Variants in COL27A1 observed in about 807,000 individuals in gnomAD.
The protein encoded by COL27A1 is collagen type XXVII alpha 1 chain.
A neutral mutation model predicts 251.3 loss-of-function variants in COL27A1; 106 were observed. The observed-to-expected ratio is 0.42, with a 90% CI of 0.36 to 0.50. COL27A1 has a LOEUF of 0.50. Among genes scored for constraint, COL27A1 ranks in the 20% least tolerant of loss-of-function variants. The probability of loss-of-function intolerance (pLI) is 0.00; values close to 1 mark genes in which losing one functional copy is unlikely to be tolerated. For synonymous variants in COL27A1, 1,000 were observed against 986.3 expected, an observed-to-expected ratio of 1.01 and a Z score of -0.26; for missense variants, 2,325 against 2,522.8, an observed-to-expected ratio of 0.92 and a Z score of 1.68.
intron 9 of COL27A1, among the ~76,000 whole-genome samples, 196 bp downstream of exon 9, chr9:114,206,008 G>A (rs1829930184): frequency 6.6e-6 from 1 of 152,160 alleles, no homozygotes; most frequent in South Asian, 2.1e-4. Context: ...TGCATAGTAA[G>A]AGGAGGTCTG....
chr9:114,172,221 C>T (rs2808779), intron 3 of COL27A1, among the ~76,000 whole-genome samples: 38,533 of 152,102 alleles, frequency 0.25, 5,130 homozygotes, highest in Middle Eastern at 0.4. Flanking sequence ...CATCTTTGAA[C>T]GGTGATGAAA....
chr9:114,235,379 G>C (rs1453767372), intron 16 of COL27A1, among the ~76,000 whole-genome samples: 3 of 152,162 alleles, frequency 2.0e-5, no homozygotes, highest in Admixed American at 6.5e-5. Flanking sequence ...TCAGCCATCC[G>C]AGCAGCCCCA....
intron 56 of COL27A1, among the ~76,000 whole-genome samples, chr9:114,302,883 A>T (rs1167348351): frequency 6.6e-6 from 1 of 152,076 alleles, no homozygotes; most frequent in Non-Finnish European, 1.5e-5. Context: ...TGGCTACACG[A>T]CTATTACCAT....
At position 114,290,824 on chromosome 9, in the gene COL27A1, C is replaced by T. The variant is rs1199082188; in HGVS notation, c.4383C>T (p.Asp1461=). The T allele has an allele frequency of 4.5e-6, 7 of 1,549,242 alleles. No individual in the cohort carries two copies. The highest frequency in any genetic ancestry group is 2.4e-5 in the South Asian group (2 of 83,944). The stretch of plus-strand genomic sequence containing the variant: ...TTTCTTAACAGGGGGAGCAGGGAGA[C>T]GATGGGGACCCTGGCCCCATGGGCC... The part of the protein sequence containing the change: ...GQAGQQGEQG[D]DGDPGPMGPA... The change falls in exon 48 of 61, where the codon GAC becomes GAT. Residue 1461 remains aspartate, a synonymous_variant. Coordinates refer to ENST00000356083, the MANE Select transcript of COL27A1 (RefSeq NM_032888.4). The surrounding 1 kb of genome is among the most constrained non-coding windows in gnomAD (Gnocchi z 4.6).
In COL27A1 at chr9:114,178,300, G is replaced by C; in HGVS notation, c.1918G>C (p.Gly640Arg). Residue 640 changes from glycine to arginine, a missense_variant, in exon 4 of 61, where the codon GGG (glycine) becomes CGG (arginine). Coordinates refer to ENST00000356083, the MANE Select transcript of COL27A1 (RefSeq NM_032888.4). ...CTTGTTTTCTCCTCAGGGTCCCCCT[G>C]GGCTACCTGGGCTACCTGGAATCCC... The part of the protein sequence containing the change: ...KGDCGLPGPP[G>R]LPGLPGIPGA... 6.2e-7 allele frequency: 1 copy of C among 1,613,532 alleles called. No individual in the cohort carries two copies. Among genetic ancestry groups the C allele is most frequent in the South Asian group, 1.1e-5 (1 of 91,054 alleles).
intron 27 of COL27A1, among the ~76,000 whole-genome samples, chr9:114,257,826 A>G (rs1834034692): frequency 6.6e-6 from 1 of 152,236 alleles, no homozygotes; most frequent in African/African-American, 2.4e-5. Context: ...GGTGAGGGAC[A>G]GAACTTGGGT....
At chr9:114,292,257 A>G (rs1382578317) in intron 49 of COL27A1, 47 bp downstream of exon 49, 5 of 1,378,466 alleles carry the variant, frequency 3.6e-6, no homozygotes, top group Admixed American at 2.0e-5. Context: ...TCACACATGC[A>G]CACACTCACA....
At chr9:114,196,568 T>C (rs1829150333) in intron 7 of COL27A1, among the ~76,000 whole-genome samples, 1 of 152,204 alleles carries the variant, frequency 6.6e-6, no homozygotes, top group African/African-American at 2.4e-5. Flanking sequence ...ATTTCCTGGC[T>C]GGGTGACCTT....
chr9:114,220,210 CAAACGGTCTGCAGGCCGTGTTTGGAG>C (rs1310977434), intron 13 of COL27A1, among the ~76,000 whole-genome samples: 2 of 152,202 alleles, frequency 1.3e-5, no homozygotes, highest in East Asian at 3.9e-4. Flanking sequence ...CATGGGGAAG[CAAACGGTCTGCAGGCCGTGTTTGGAG>C]AAAAGGAAGA....
chr9:114,300,812 C>T (rs1380096261), intron 51 of COL27A1, 125 bp downstream of exon 51: 2 of 854,672 alleles, frequency 2.3e-6, no homozygotes, highest in African/African-American at 3.4e-5. Context: ...TGCCCACAGG[C>T]CTGGTTCCCA....
intron 3 of COL27A1, among the ~76,000 whole-genome samples, chr9:114,170,221 G>A (rs1178815720): frequency 6.6e-6 from 1 of 152,222 alleles, no homozygotes; most frequent in Non-Finnish European, 1.5e-5. Flanking sequence ...TAGGAGTTTG[G>A]GGTGCAGAAG....
At chr9:114,306,230 G>A (rs1256371222) in intron 57 of COL27A1, 4 of 283,964 alleles carry the variant, frequency 1.4e-5, no homozygotes, top group East Asian at 1.5e-4. Context: ...AGTGTCCCAC[G>A]CACCCTCGCC....
intron 5 of COL27A1, among the ~76,000 whole-genome samples, chr9:114,191,115 G>A (rs1026243630): frequency 5.3e-5 from 8 of 151,974 alleles, no homozygotes; most frequent in Admixed American, 2.0e-4. Context: ...ATTTACCTCC[G>A]TCTAGGTGAA....
intron 45 of COL27A1, among the ~76,000 whole-genome samples, chr9:114,289,684 C>A (rs1318277610): frequency 9.2e-5 from 14 of 151,982 alleles, no homozygotes; most frequent in Non-Finnish European, 1.5e-4. Flanking sequence ...AGGGCCCCTG[C>A]CTTCCCCCAG....
intron 3 of COL27A1, among the ~76,000 whole-genome samples, chr9:114,175,624 G>A (rs1827380169): frequency 6.6e-6 from 1 of 152,218 alleles, no homozygotes; most frequent in South Asian, 2.1e-4. Flanking sequence ...CCTGGGTCCT[G>A]AGTGGCACTC....
At chr9:114,215,102 G>A (rs540681955) in intron 12 of COL27A1, among the ~76,000 whole-genome samples, 5 of 152,364 alleles carry the variant, frequency 3.3e-5, no homozygotes, top group East Asian at 3.9e-4. Context: ...CAGTGAGTCC[G>A]GAGGGAAGAC....
chr9:114,201,940 T>G (rs1018670245), intron 7 of COL27A1, among the ~76,000 whole-genome samples: 2 of 152,206 alleles, frequency 1.3e-5, no homozygotes, highest in African/African-American at 4.8e-5. Context: ...GGCCAGGCGC[T>G]GCCCCTAGAA....
intron 14 of COL27A1, 56 bp from the exon 15 acceptor site, chr9:114,231,023 G>C (rs1831906542): frequency 1.3e-6 from 2 of 1,526,174 alleles, no homozygotes; most frequent in African/African-American, 2.7e-5. Flanking sequence ...CACCACCCAG[G>C]CCAGCCTCCT....
chr9:114,201,712 G>T (rs1387274347), intron 7 of COL27A1, among the ~76,000 whole-genome samples: 1 of 152,046 alleles, frequency 6.6e-6, no homozygotes, highest in Admixed American at 6.5e-5. Context: ...TCAAACTAAT[G>T]GTTTGGGGCT....
Sources: gnomAD v4.1 joint callset for allele counts (sites outside exome capture counted in the v4.1 genomes callset) on GRCh38, gnomAD v4.1.1 for gene constraint, Gnocchi (gnomAD v3.1) non-coding constraint, MANE v1.5 for transcripts, NCBI Gene and HGNC (gene_info 2026-07-23, HGNC 2026-07-21) for gene names.